Variants in GREB1 observed in about 807,000 individuals in gnomAD.
GREB1 encodes growth regulating estrogen receptor binding 1.
GREB1 carries 106 observed loss-of-function variants against 200.7 expected under a neutral mutation model. That is an observed-to-expected ratio of 0.53 (90% CI 0.45 to 0.62). The LOEUF (loss-of-function observed/expected upper bound fraction) is 0.62. Among genes scored for constraint, GREB1 ranks in the 20% least tolerant of loss-of-function variants. The probability of loss-of-function intolerance (pLI) is 0.00; values close to 1 mark genes in which losing one functional copy is unlikely to be tolerated. For synonymous variants in GREB1, 1,132 were observed against 1,092.4 expected (o/e 1.04, Z -0.72); for missense variants, 2,243 against 2,556.8 (o/e 0.88, Z 2.65).
intron 1 of GREB1, among the ~76,000 whole-genome samples, chr2:11,515,035 T>TATCC (rs915749654): frequency 1.3e-4 from 20 of 149,902 alleles, no homozygotes; most frequent in African/African-American, 4.2e-4. Context: ...ACCATCTATC[T>TATCC]ATCCATCCAT....
At chr2:11,528,934 A>G (rs1558503370) in intron 1 of GREB1, among the ~76,000 whole-genome samples, 1 of 152,204 alleles carries the variant, frequency 6.6e-6, no homozygotes, top group African/African-American at 2.4e-5. Context: ...TGAAGTGCAG[A>G]GTTGCATTGC....
chr2:11,531,890 C>G (rs990872482), upstream of GREB1, among the ~76,000 whole-genome samples: 2 of 152,126 alleles, frequency 1.3e-5, no homozygotes, highest in African/African-American at 4.8e-5. Context: ...TTTAAAATAC[C>G]CACTGTTAAC....
At chr2:11,630,214 C>A (rs1684775853) in intron 26 of GREB1, 105 bp downstream of exon 26, 4 of 1,099,352 alleles carry the variant, frequency 3.6e-6, no homozygotes, top group Admixed American at 4.5e-5. Flanking sequence ...GACACCGATA[C>A]AGGGACTGAA....
In GREB1 at chr2:11,497,971, C is replaced by CTTT. The variant is rs70955803; in HGVS notation, c.-159+15629_-159+15631dup. On this transcript the variant is annotated intron_variant, in intron 1 of 2. Transcript: ENST00000628795. Reference sequence around the variant, plus strand: ...TAACAGGGTCTTTTGCAGAGCAAAACTTTTTTTTTTTTTTTTTTTTTTTTT... The same window carrying CTTT: ...TAACAGGGTCTTTTGCAGAGCAAAACTTTTTTTTTTTTTTTTTTTTTTTTTTTT... Among the ~76,000 whole-genome samples the CTTT allele has an allele frequency of 1.2e-3, 50 of 40,622 alleles. 13 individuals are homozygous for CTTT. The highest frequency in any genetic ancestry group is 7.9e-3 in the East Asian group (10 of 1,264). The allele number at this position is 40,622 out of a possible 152,430, so 26.6% of individuals were successfully genotyped here.
At chr2:11,577,569 G>A (rs896939924) in intron 5 of GREB1, among the ~76,000 whole-genome samples, 2 of 152,190 alleles carry the variant, frequency 1.3e-5, no homozygotes, top group African/African-American at 4.8e-5. Context: ...GTGAGGAGGA[G>A]GCTGGATCCT....
chr2:11,532,050 A>T (rs1674092693), upstream of GREB1, among the ~76,000 whole-genome samples: 1 of 152,202 alleles, frequency 6.6e-6, no homozygotes, highest in African/African-American at 2.4e-5. Context: ...CTGTCATTTG[A>T]ATATGCCATA....
At chr2:11,567,985 T>A (rs1446830597) in intron 4 of GREB1, among the ~76,000 whole-genome samples, 5 of 152,194 alleles carry the variant, frequency 3.3e-5, no homozygotes, top group Non-Finnish European at 7.3e-5. Context: ...GTCCGGCCCC[T>A]CCGTCTGGCC....
chr2:11,620,069 C>T (rs757759181), intron 22 of GREB1, among the ~76,000 whole-genome samples: 9 of 152,172 alleles, frequency 5.9e-5, no homozygotes, highest in Non-Finnish European at 1.0e-4. Flanking sequence ...CTCCGCCTCC[C>T]GGGTTCAAGC....
At chr2:11,570,023 T>A (rs536718673) in intron 4 of GREB1, among the ~76,000 whole-genome samples, 1 of 152,240 alleles carries the variant, frequency 6.6e-6, no homozygotes, top group East Asian at 1.9e-4. Context: ...ATTGATAATG[T>A]CCCCCTCTTC....
intron 30 of GREB1, among the ~76,000 whole-genome samples, chr2:11,636,550 C>G (rs1685327796): frequency 6.6e-6 from 1 of 152,230 alleles, no homozygotes. Flanking sequence ...CAGGAGTACC[C>G]AGCCCAGCAG....
intron 1 of GREB1, among the ~76,000 whole-genome samples, chr2:11,535,824 A>C (rs1674267380): frequency 6.6e-6 from 1 of 152,148 alleles, no homozygotes; most frequent in Non-Finnish European, 1.5e-5. Context: ...GACCGTGCCC[A>C]CTAAATCTCT....
intron 1 of GREB1, among the ~76,000 whole-genome samples, chr2:11,499,862 C>CGAAT (rs1354522784): frequency 6.6e-6 from 1 of 152,176 alleles, no homozygotes; most frequent in Non-Finnish European, 1.5e-5. Flanking sequence ...TGTAAGCATT[C>CGAAT]TACTACTCAA....
Position 11,568,070 on chromosome 2 carries a change from C to T in GREB1, c.454+1414C>T, listed in dbSNP as rs147581067. On this transcript the variant is annotated intron_variant, in intron 4 of 32. Transcript: ENST00000381486. The stretch of plus-strand genomic sequence containing the variant: ...TCCACTTCAGATGTAGCCTCAGGAA[C>T]GGTCTTCATGCAGAAGCAAATTTGA... Among the ~76,000 whole-genome samples, 457 of 152,286 alleles carry T rather than the reference C, an allele frequency of 3.0e-3. 5 individuals carry two copies. Among genetic ancestry groups the T allele is most frequent in the African/African-American group, 0.01 (421 of 41,556 alleles).
At chr2:11,488,663 C>T (rs1246309090) in intron 1 of GREB1, among the ~76,000 whole-genome samples, 1 of 150,352 alleles carries the variant, frequency 6.7e-6, no homozygotes, top group Non-Finnish European at 1.5e-5. Flanking sequence ...TAGTGGTGGG[C>T]GCCTGTAATC....
At chr2:11,626,315 T>C (rs1277916841) in intron 24 of GREB1, among the ~76,000 whole-genome samples, 1 of 152,030 alleles carries the variant, frequency 6.6e-6, no homozygotes, top group East Asian at 1.9e-4. Context: ...GGGCCGGGTG[T>C]GGTGGCTCAC....
intron 15 of GREB1, among the ~76,000 whole-genome samples, chr2:11,600,063 A>T (rs1681645610): frequency 6.6e-6 from 1 of 152,198 alleles, no homozygotes; most frequent in Non-Finnish European, 1.5e-5. Flanking sequence ...AGATCCACAG[A>T]TAGCTAGTTA....
intron 1 of GREB1, among the ~76,000 whole-genome samples, chr2:11,521,100 C>A (rs987614623): frequency 1.3e-5 from 2 of 152,014 alleles, no homozygotes; most frequent in South Asian, 4.1e-4. Context: ...TTATGCTGGT[C>A]TTTTCTCTTC....
In GREB1 at chr2:11,548,207, C is replaced by A. The variant is rs1347689229; in HGVS notation, c.-161-8247C>A. 1.3e-5 allele frequency among the ~76,000 whole-genome samples: 2 copies of A among 151,784 alleles called. No individual in the cohort carries two copies. Among genetic ancestry groups the A allele is most frequent in the Admixed American group, 1.3e-4 (2 of 15,254 alleles). On this transcript the variant is annotated intron_variant, in intron 1 of 32. Coordinates refer to ENST00000381486, the MANE Select transcript of GREB1 (RefSeq NM_014668.4). The surrounding 1 kb of genome is among the most constrained non-coding windows in gnomAD (Gnocchi z 5.1). ...AAAAAAAACCCACCACACATTCTCACATGCACACAGCCAGACATGTGCACA... is the reference window on the plus strand; with the variant it reads ...AAAAAAAACCCACCACACATTCTCAAATGCACACAGCCAGACATGTGCACA...
chr2:11,556,980 C>A (rs1433153691), intron 2 of GREB1, among the ~76,000 whole-genome samples: 1 of 152,168 alleles, frequency 6.6e-6, no homozygotes, highest in Non-Finnish European at 1.5e-5. Flanking sequence ...TAAAATTATT[C>A]ATTGAATCAG....
Sources: allele counts gnomAD v4.1 joint callset (sites outside exome capture counted in the v4.1 genomes callset), GRCh38; gene constraint gnomAD v4.1.1; non-coding constraint Gnocchi (gnomAD v3.1); transcripts MANE v1.5; gene names NCBI Gene and HGNC (gene_info 2026-07-23, HGNC 2026-07-21).